SNCAIP: variants seen among roughly 807,000 people sequenced by gnomAD.
SNCAIP encodes the protein synuclein alpha interacting protein.
Under a neutral mutation model 86.7 loss-of-function variants are expected in SNCAIP, and 43 were observed. The observed-to-expected ratio is 0.50, with a 90% CI of 0.39 to 0.64. SNCAIP has a LOEUF of 0.64. Ranked by LOEUF, SNCAIP falls within the 30% of genes least tolerant of loss-of-function variation. SNCAIP has a pLI of 0.00. For missense variants in SNCAIP, 981 were observed against 1,103.1 expected (o/e 0.89, Z 1.57); for synonymous variants, 417 against 427.2 (o/e 0.98, Z 0.29).
At chr5:122,334,638 A>G (rs2152705226) in intron 1 of SNCAIP, among the ~76,000 whole-genome samples, 1 of 152,306 alleles carries the variant, frequency 6.6e-6, no homozygotes, top group African/African-American at 2.4e-5. Context: ...GGATTAGAGA[A>G]AGCATTTTAA....
At chr5:122,371,228 GC>G (rs912096050) in intron 1 of SNCAIP, 9 of 151,594 alleles carry the variant, frequency 5.9e-5, no homozygotes, top group African/African-American at 2.2e-4. Flanking sequence ...GATCACTTGA[GC>G]CCAGGAATTC....
chr5:122,336,523 T>C (rs533176332), intron 1 of SNCAIP, among the ~76,000 whole-genome samples: 1 of 152,234 alleles, frequency 6.6e-6, no homozygotes, highest in Non-Finnish European at 1.5e-5. Flanking sequence ...ACCTCAGAAA[T>C]TTGTCCTTTA....
chr5:122,446,466 G>A (rs1283596990), intron 8 of SNCAIP, among the ~76,000 whole-genome samples: 3 of 152,148 alleles, frequency 2.0e-5, no homozygotes, highest in Middle Eastern at 6.3e-3. Flanking sequence ...TCTTTTATTG[G>A]TGAACTGCTC....
chr5:122,461,964 C>T (rs920309234), intron 10 of SNCAIP, among the ~76,000 whole-genome samples: 12 of 152,150 alleles, frequency 7.9e-5, no homozygotes, highest in Non-Finnish European at 1.6e-4. Context: ...CCACCATGCC[C>T]GGCTTTTATA....
intron 6 of SNCAIP, among the ~76,000 whole-genome samples, chr5:122,435,261 G>A (rs1369121604): frequency 6.6e-6 from 1 of 152,162 alleles, no homozygotes; most frequent in African/African-American, 2.4e-5. Context: ...GAGTGTCCTC[G>A]GATAGGCCTG....
chr5:122,432,105 T>A (rs1011610941), intron 6 of SNCAIP, 23 bp downstream of exon 6: 1 of 988,494 alleles, frequency 1.0e-6, no homozygotes, highest in Non-Finnish European at 1.6e-6. Flanking sequence ...TTTTTAAGTA[T>A]CTTCCCTTTG....
At chr5:122,397,771 T>TCAAAAG (rs1328174644) in intron 2 of SNCAIP, among the ~76,000 whole-genome samples, 2 of 152,060 alleles carry the variant, frequency 1.3e-5, no homozygotes, top group African/African-American at 4.8e-5. Context: ...AGAAGAATAT[T>TCAAAAG]CAAAAGATTG....
chr5:122,393,362 GT>G (rs1479853334), intron 2 of SNCAIP, among the ~76,000 whole-genome samples: 7 of 152,130 alleles, frequency 4.6e-5, no homozygotes, highest in Non-Finnish European at 1.0e-4. Context: ...TAAAGTTACT[GT>G]TTTTATCTTC....
chr5:122,420,213 A>T (rs1776100481), intron 3 of SNCAIP, among the ~76,000 whole-genome samples: 1 of 152,236 alleles, frequency 6.6e-6, no homozygotes, highest in Non-Finnish European at 1.5e-5. Context: ...CTTCTGTGAA[A>T]AGACGTGTTT....
At chr5:122,431,143 C>G (rs1042483013) in intron 5 of SNCAIP, among the ~76,000 whole-genome samples, 1 of 152,026 alleles carries the variant, frequency 6.6e-6, no homozygotes. Flanking sequence ...AATTAGAATG[C>G]TCATATGATG....
chr5:122,422,056 A>G (rs1410647742), intron 3 of SNCAIP, among the ~76,000 whole-genome samples: 1 of 150,430 alleles, frequency 6.6e-6, no homozygotes, highest in Non-Finnish European at 1.5e-5. Context: ...TTTTCTTTTC[A>G]GAACTTTCTT....
intron 7 of SNCAIP, chr5:122,441,033 G>T (rs1333197492): frequency 5.5e-6 from 2 of 365,882 alleles, no homozygotes; most frequent in African/African-American, 4.1e-5. Context: ...GAGGACAATA[G>T]ACATTAAATT....
intron 5 of SNCAIP, among the ~76,000 whole-genome samples, chr5:122,426,200 C>G (rs1050490105): frequency 1.1e-4 from 16 of 152,308 alleles, no homozygotes; most frequent in African/African-American, 3.6e-4. Flanking sequence ...CCTAAAAGAT[C>G]TTTGGCAAAT....
intron 3 of SNCAIP, among the ~76,000 whole-genome samples, chr5:122,409,092 A>C (rs1773600348): frequency 1.3e-5 from 2 of 152,224 alleles, no homozygotes; most frequent in South Asian, 4.1e-4. Flanking sequence ...TGTGTAAAAA[A>C]AAAAATGCAC....
At chr5:122,413,825 A>C (rs1004825173) in intron 3 of SNCAIP, among the ~76,000 whole-genome samples, 3 of 152,232 alleles carry the variant, frequency 2.0e-5, no homozygotes, top group Admixed American at 6.5e-5. Context: ...CGGTGATAAA[A>C]TGACTAAATT....
intron 10 of SNCAIP, 92 bp from the exon 11 acceptor site, chr5:122,463,399 T>C (rs367987723): frequency 1.0e-4 from 78 of 780,332 alleles, no homozygotes; most frequent in Non-Finnish European, 1.7e-4. Flanking sequence ...GTGAGGATAA[T>C]TTCCATTTTT....
At chr5:122,387,998 TG>T (rs1561643696) in intron 1 of SNCAIP, among the ~76,000 whole-genome samples, 1 of 152,250 alleles carries the variant, frequency 6.6e-6, no homozygotes, top group Non-Finnish European at 1.5e-5. Flanking sequence ...GTTGTACTTA[TG>T]TTTAATACTG....
At chr5:122,448,078 C>T (rs1782712170) in intron 8 of SNCAIP, among the ~76,000 whole-genome samples, 4 of 152,102 alleles carry the variant, frequency 2.6e-5, no homozygotes, top group South Asian at 4.1e-4. Flanking sequence ...TAGCAGGATC[C>T]GATCTCACAT....
At chr5:122,340,564 A>G (rs903862590) in intron 1 of SNCAIP, among the ~76,000 whole-genome samples, 1 of 152,212 alleles carries the variant, frequency 6.6e-6, no homozygotes, top group Non-Finnish European at 1.5e-5. Context: ...AAAACCATTG[A>G]GTAGTGTCAA....
Sources: allele counts gnomAD v4.1 joint callset (sites outside exome capture counted in the v4.1 genomes callset), GRCh38; gene constraint gnomAD v4.1.1; transcripts MANE v1.5; gene names NCBI Gene and HGNC (gene_info 2026-07-23, HGNC 2026-07-21).